SMIM14: variants seen among roughly 807,000 people sequenced by gnomAD.
SMIM14 encodes chromosome 4 open reading frame 34.
SMIM14 carries 5 observed loss-of-function variants against 12.6 expected under a neutral mutation model. The ratio of observed to expected loss-of-function variants is 0.40; its 90% CI spans 0.21 to 0.83. SMIM14 has a LOEUF of 0.83. Ranked by LOEUF, SMIM14 falls within the 40% of genes least tolerant of loss-of-function variation. SMIM14 has a pLI of 0.37. For synonymous variants in SMIM14, 30 were observed against 40.1 expected, an observed-to-expected ratio of 0.75 and a Z score of 0.95; for missense variants, 86 against 119.1, an observed-to-expected ratio of 0.72 and a Z score of 1.29.
intron 3 of SMIM14, among the ~76,000 whole-genome samples, chr4:39,557,292 G>A (rs899065459): frequency 6.6e-6 from 1 of 152,070 alleles, no homozygotes; most frequent in Non-Finnish European, 1.5e-5. Context: ...GATTACAGGT[G>A]TGAGCCACTG....
intron 2 of SMIM14, among the ~76,000 whole-genome samples, chr4:39,600,022 T>C (rs914344247): frequency 6.6e-6 from 1 of 151,952 alleles, no homozygotes; most frequent in Non-Finnish European, 1.5e-5. Context: ...AGGGGCAAGA[T>C]AAATTTGGTT....
intron 2 of SMIM14, 39 bp from the exon 3 acceptor site, chr4:39,572,502 A>C: frequency 6.6e-7 from 1 of 1,525,764 alleles, no homozygotes; most frequent in Non-Finnish European, 9.1e-7. Context: ...GATTAGACTT[A>C]AACAAAAGTG....
intron 3 of SMIM14, among the ~76,000 whole-genome samples, chr4:39,563,171 A>C (rs1239549346): frequency 2.6e-5 from 4 of 151,680 alleles, no homozygotes; most frequent in Non-Finnish European, 5.9e-5. Flanking sequence ...AGTGATTCTC[A>C]TGCCTCAGCC....
intron 2 of SMIM14, among the ~76,000 whole-genome samples, chr4:39,591,480 C>G (rs1366140077): frequency 2.0e-5 from 3 of 152,082 alleles, no homozygotes; most frequent in African/African-American, 7.2e-5. Flanking sequence ...TAAGTAAAAC[C>G]TTGTCACCAG....
intron 2 of SMIM14, among the ~76,000 whole-genome samples, chr4:39,584,524 A>G (rs892117268): frequency 6.8e-6 from 1 of 146,646 alleles, no homozygotes; most frequent in African/African-American, 2.5e-5. Context: ...GGCTGGGCGC[A>G]GTGGCTCATG....
Position 39,558,733 on chromosome 4 carries a change from A to G in SMIM14, c.125-2163T>C, listed in dbSNP as rs917594304. Among the ~76,000 whole-genome samples the G allele has an allele frequency of 5.3e-5, 8 of 152,156 alleles. No individual in the cohort carries two copies. The highest frequency in any genetic ancestry group is 1.0e-4 in the Non-Finnish European group (7 of 68,014). On this transcript the variant is annotated intron_variant, in intron 3 of 4. Transcript: ENST00000295958. The surrounding 1 kb of genome is among the most constrained non-coding windows in gnomAD (Gnocchi z 4.3). ...TCTTTTTTTTGTTTGTTTTTTTGAG[A>G]CAGAGTCTTGCCCTGTCGTCCAAGC...
At chr4:39,634,604 T>C (rs1345410063) in intron 1 of SMIM14, among the ~76,000 whole-genome samples, 4 of 152,194 alleles carry the variant, frequency 2.6e-5, no homozygotes, top group Non-Finnish European at 4.4e-5. Flanking sequence ...ATTACTACTA[T>C]AAAGAAGCAA....
chr4:39,573,223 G>A (rs930611745), intron 2 of SMIM14, among the ~76,000 whole-genome samples: 1 of 152,038 alleles, frequency 6.6e-6, no homozygotes, highest in African/African-American at 2.4e-5. Context: ...AGCCTCCTGA[G>A]TAGCTGGGAT....
chr4:39,599,682 G>A (rs1261205218), intron 2 of SMIM14, among the ~76,000 whole-genome samples: 1 of 152,126 alleles, frequency 6.6e-6, no homozygotes, highest in African/African-American at 2.4e-5. Context: ...CCAGCACTTT[G>A]GGAGGCTGAG....
At chr4:39,569,428 A>G (rs1042953117) in intron 3 of SMIM14, among the ~76,000 whole-genome samples, 25 of 152,232 alleles carry the variant, frequency 1.6e-4, no homozygotes, top group African/African-American at 4.8e-4. Flanking sequence ...AGTTTCATAT[A>G]TATAATAAAC....
At chr4:39,615,672 TA>T (rs1000637673) in intron 1 of SMIM14, among the ~76,000 whole-genome samples, 1 of 152,122 alleles carries the variant, frequency 6.6e-6, no homozygotes, top group Non-Finnish European at 1.5e-5. Flanking sequence ...CCTGTGAACC[TA>T]AAACTGCTCT....
intron 1 of SMIM14, among the ~76,000 whole-genome samples, chr4:39,631,685 A>G (rs1310109079): frequency 2.0e-5 from 3 of 152,176 alleles, no homozygotes; most frequent in South Asian, 4.1e-4. Flanking sequence ...AAATATGTTA[A>G]AAGATAAAAG....
chr4:39,565,892 A>C lies in SMIM14; in HGVS notation c.124+6523T>G, dbSNP rs539343140. Reference sequence around the variant, plus strand: ...AAGTCTCACGAGATCTCATGGTTTTAAAAAGGGGAGTTTCCCTGCACAAGC... The same window carrying C: ...AAGTCTCACGAGATCTCATGGTTTTCAAAAGGGGAGTTTCCCTGCACAAGC... On this transcript the variant is annotated intron_variant, in intron 3 of 4. Transcript: ENST00000295958. 2.6e-5 allele frequency among the ~76,000 whole-genome samples: 4 copies of C among 151,980 alleles called. No individual in the cohort carries two copies. The East Asian group carries it at 5.8e-4, about 22-fold the overall frequency.
chr4:39,581,675 G>C (rs1374367013), intron 2 of SMIM14, among the ~76,000 whole-genome samples: 2 of 142,718 alleles, frequency 1.4e-5, no homozygotes, highest in Non-Finnish European at 3.0e-5. Flanking sequence ...CTCCTGAGCA[G>C]CTGGGACCAC....
intron 2 of SMIM14, chr4:39,583,900 T>C (rs921064257): frequency 1.9e-4 from 29 of 152,150 alleles, no homozygotes; most frequent in African/African-American, 6.8e-4. Context: ...AAAACAATGC[T>C]GTGTATATGT....
chr4:39,608,490 G>C (rs2110061801), intron 1 of SMIM14, among the ~76,000 whole-genome samples: 1 of 152,310 alleles, frequency 6.6e-6, no homozygotes, highest in Non-Finnish European at 1.5e-5. Context: ...GTTCTGATAT[G>C]TTACAACATG....
At chr4:39,617,920 T>A (rs1283692290) in intron 1 of SMIM14, among the ~76,000 whole-genome samples, 6 of 151,976 alleles carry the variant, frequency 3.9e-5, no homozygotes, top group Admixed American at 1.3e-4. Context: ...CGGAAAAAAA[T>A]CAGGAAAATG....
At chr4:39,603,687 C>A (rs991643682) in intron 2 of SMIM14, among the ~76,000 whole-genome samples, 1 of 152,050 alleles carries the variant, frequency 6.6e-6, no homozygotes, top group African/African-American at 2.4e-5. Flanking sequence ...AGAAATCTAC[C>A]TCTGTCAAAT....
At chr4:39,637,030 C>A (rs182264294) in intron 1 of SMIM14, among the ~76,000 whole-genome samples, 1 of 152,174 alleles carries the variant, frequency 6.6e-6, no homozygotes, top group East Asian at 1.9e-4. Flanking sequence ...AAGTCCATGT[C>A]TGAAAAATTT....
Sources: gnomAD v4.1 joint callset for allele counts (sites outside exome capture counted in the v4.1 genomes callset) on GRCh38, gnomAD v4.1.1 for gene constraint, Gnocchi (gnomAD v3.1) non-coding constraint, MANE v1.5 for transcripts, NCBI Gene and HGNC (gene_info 2026-07-23, HGNC 2026-07-21) for gene names.